The following CCSER1 variants were observed in gnomAD, a reference collection of about 807,000 sequenced individuals.
CCSER1 encodes the protein serine-rich coiled-coil domain-containing protein 1.
Under a neutral mutation model 82.0 loss-of-function variants are expected in CCSER1, and 41 were observed. The observed-to-expected ratio is 0.50, with a 90% CI of 0.39 to 0.65. The LOEUF (loss-of-function observed/expected upper bound fraction) is 0.65, where lower values mean the gene tolerates loss of function less well. CCSER1 is among the 30% of genes least tolerant of loss of function. The probability of loss-of-function intolerance (pLI) is 0.00; values close to 1 mark genes in which losing one functional copy is unlikely to be tolerated. For synonymous variants in CCSER1, 414 were observed against 383.9 expected (o/e 1.08, Z -0.92); for missense variants, 1,119 against 1,064.2 (o/e 1.05, Z -0.72).
chr4:91,427,924 CCAGGGATAT>C (rs1480803097), intron 10 of CCSER1, among the ~76,000 whole-genome samples: 5 of 8,828 alleles, frequency 5.7e-4, no homozygotes, highest in Admixed American at 8.9e-4. Context: ...CATGCTTAGT[CCAGGGATAT>C]AGCTTTTATT....
At chr4:91,292,865 C>A (rs995921868) in intron 10 of CCSER1, among the ~76,000 whole-genome samples, 2 of 151,922 alleles carry the variant, frequency 1.3e-5, no homozygotes, top group Non-Finnish European at 2.9e-5. Flanking sequence ...CTTGTCTATA[C>A]TATTCCATGC....
chr4:90,921,227 T>C (rs1481799179), intron 8 of CCSER1, among the ~76,000 whole-genome samples: 2 of 152,072 alleles, frequency 1.3e-5, no homozygotes, highest in Admixed American at 6.6e-5. Context: ...TCTTTAATCT[T>C]CTAAGTGTAT....
chr4:90,197,855 A>G (rs1310365012), intron 1 of CCSER1, among the ~76,000 whole-genome samples: 1 of 152,102 alleles, frequency 6.6e-6, no homozygotes, highest in East Asian at 1.9e-4. Context: ...TGACTAAGCC[A>G]TACTATTGAC....
At chr4:91,075,406 A>T (rs529904606) in intron 9 of CCSER1, among the ~76,000 whole-genome samples, 8 of 152,238 alleles carry the variant, frequency 5.3e-5, no homozygotes, top group Non-Finnish European at 1.0e-4. Flanking sequence ...CACATCCCCC[A>T]GAGTATTTTT....
At chr4:90,157,960 G>C (rs976516111) in intron 1 of CCSER1, among the ~76,000 whole-genome samples, 2 of 152,152 alleles carry the variant, frequency 1.3e-5, no homozygotes, top group African/African-American at 4.8e-5. Context: ...CTGCTTTTTA[G>C]AGTTTCCAGT....
Position 91,201,662 on chromosome 4 carries a change from G to A in CCSER1, c.2217+115668G>A, listed in dbSNP as rs143385876. On this transcript the variant is annotated intron_variant, in intron 10 of 10. Transcript: ENST00000509176. ...TTGTAAACCTCAGAAAGGCAATATC[G>A]TGGGATTACAGATGTGATTACGTCT... 1.2e-4 allele frequency among the ~76,000 whole-genome samples: 19 copies of A among 152,108 alleles called. No homozygotes were observed. The East Asian group carries it at 1.9e-3, about 15-fold the overall frequency.
intron 1 of CCSER1, among the ~76,000 whole-genome samples, chr4:90,295,903 C>T (rs1731796391): frequency 6.6e-6 from 1 of 151,988 alleles, no homozygotes; most frequent in African/African-American, 2.4e-5. Context: ...ATTCCTTACT[C>T]AGGCTCTGCT....
chr4:90,375,773 C>T lies in CCSER1; in HGVS notation c.1510-24263C>T, dbSNP rs189481653. Reference sequence around the variant, plus strand: ...ACATGCTGATTTCAGTAGCTGTCTCCAGTCATTTTGTAGAGCAGACACATA... The same window carrying T: ...ACATGCTGATTTCAGTAGCTGTCTCTAGTCATTTTGTAGAGCAGACACATA... On this transcript the variant is annotated intron_variant, in intron 3 of 10. Transcript: ENST00000509176. Among the ~76,000 whole-genome samples the T allele has an allele frequency of 1.8e-3, 272 of 152,294 alleles. 2 individuals carry two copies. In the Middle Eastern group the frequency reaches 0.024, roughly 13 times the overall value.
chr4:90,319,513 T>G (rs1286511795), intron 3 of CCSER1, among the ~76,000 whole-genome samples: 1 of 152,062 alleles, frequency 6.6e-6, no homozygotes, highest in Admixed American at 6.5e-5. Flanking sequence ...TAGCCAGGCG[T>G]GGTGGCACGC....
At chr4:91,220,245 A>G (rs1737626930) in intron 10 of CCSER1, among the ~76,000 whole-genome samples, 1 of 152,216 alleles carries the variant, frequency 6.6e-6, no homozygotes, top group Admixed American at 6.5e-5. Context: ...AATGTCATAA[A>G]TTGAGAAGAA....
chr4:91,342,173 G>A (rs187900762), intron 10 of CCSER1, among the ~76,000 whole-genome samples: 182 of 152,218 alleles, frequency 1.2e-3, no homozygotes, highest in African/African-American at 3.9e-3. Flanking sequence ...CAGTCTATAA[G>A]ATTGTTAAAA....
intron 9 of CCSER1, among the ~76,000 whole-genome samples, chr4:91,024,426 AT>A (rs200771732): frequency 4.0e-5 from 6 of 149,852 alleles, no homozygotes; most frequent in South Asian, 4.2e-4. Flanking sequence ...TAATACATTT[AT>A]TTTTTTTAAA....
chr4:90,699,737 C>T (rs903951406), intron 6 of CCSER1, among the ~76,000 whole-genome samples: 5 of 152,060 alleles, frequency 3.3e-5, no homozygotes, highest in Admixed American at 6.6e-5. Context: ...TGTTTGTATC[C>T]GTTCAAAATT....
At chr4:90,280,007 T>A (rs1010890625) in intron 1 of CCSER1, among the ~76,000 whole-genome samples, 1 of 152,006 alleles carries the variant, frequency 6.6e-6, no homozygotes. Context: ...AGTTAAGGGA[T>A]CTCGTTTTAA....
chr4:90,959,892 T>C (rs181042554), intron 9 of CCSER1, among the ~76,000 whole-genome samples: 3 of 152,258 alleles, frequency 2.0e-5, no homozygotes. Context: ...TGCTTTGTAT[T>C]CTGGAGCTTC....
At chr4:91,497,484 TTTAA>T (rs922324876) in intron 10 of CCSER1, among the ~76,000 whole-genome samples, 13 of 151,816 alleles carry the variant, frequency 8.6e-5, no homozygotes, top group African/African-American at 3.1e-4. Context: ...ATATAGATTA[TTTAA>T]TCTGTAATGT....
chr4:90,718,214 A>T (rs1055643182), intron 6 of CCSER1, among the ~76,000 whole-genome samples: 1 of 152,116 alleles, frequency 6.6e-6, no homozygotes, highest in Non-Finnish European at 1.5e-5. Flanking sequence ...GGGGAAATTT[A>T]ATTTTATTAG....
intron 10 of CCSER1, among the ~76,000 whole-genome samples, chr4:91,503,274 G>A (rs112217149): frequency 0.045 from 6,808 of 151,396 alleles, 310 homozygotes; most frequent in South Asian, 0.17. Flanking sequence ...CCCGGGAGGC[G>A]GAGCTTGCAG....
At chr4:90,400,376 C>A in intron 4 of CCSER1, among the ~76,000 whole-genome samples, 1 of 152,108 alleles carries the variant, frequency 6.6e-6, no homozygotes, top group Admixed American at 6.5e-5. Flanking sequence ...ATAAAAAAAT[C>A]TTTCCAAAAT....
Sources: allele counts gnomAD v4.1 joint callset (sites outside exome capture counted in the v4.1 genomes callset), GRCh38; gene constraint gnomAD v4.1.1; transcripts MANE v1.5; gene names NCBI Gene and HGNC (gene_info 2026-07-23, HGNC 2026-07-21).